CHL1: variants seen among roughly 807,000 people sequenced by gnomAD.
CHL1 encodes cell adhesion molecule L1 like, also known as neural cell adhesion molecule L1-like protein.
CHL1 carries 96 observed loss-of-function variants against 141.9 expected under a neutral mutation model. The ratio of observed to expected loss-of-function variants is 0.68; its 90% CI spans 0.57 to 0.80. The LOEUF is 0.80. Among genes scored for constraint, CHL1 ranks in the 30% least tolerant of loss-of-function variants. CHL1 has a pLI of 0.00. For synonymous variants in CHL1, 613 were observed against 502.2 expected, an observed-to-expected ratio of 1.22 and a Z score of -2.95; for missense variants, 1,820 against 1,457.2, an observed-to-expected ratio of 1.25 and a Z score of -4.05.
rs761005409 is a variant in CHL1 at position 382,477 on chromosome 3, A to G, written c.1982A>G (p.Tyr661Cys). The G allele has an allele frequency of 2.5e-6, 4 of 1,612,766 alleles. No homozygotes were observed. In the Admixed American group the frequency reaches 5.0e-5, roughly 20 times the overall value. ...GADHNSNISE[Y>C]IVEFEGNKEE... ...TTTTCCCTGTTTATACTACCAGAGT[A>G]TATTGTTGAATTTGAAGGAAACAAA... is the stretch of plus-strand genomic sequence containing the variant. Residue 661 changes from tyrosine to cysteine, a missense_variant, in exon 18 of 28, where the codon TAT becomes TGT. Tyr to Cys is a radical substitution (Grantham distance 194, BLOSUM62 -2). Transcript: ENST00000256509.
At chr3:257,084 G>T (rs991278489) in intron 2 of CHL1, among the ~76,000 whole-genome samples, 1 of 152,090 alleles carries the variant, frequency 6.6e-6, no homozygotes, top group Admixed American at 6.6e-5. Context: ...TAGTGGTATG[G>T]CTTCATGTCA....
chr3:270,136 G>A lies in CHL1; in HGVS notation c.-95+25444G>A, dbSNP rs865895776. Among the ~76,000 whole-genome samples, 53 of 152,240 alleles carry A rather than the reference G, an allele frequency of 3.5e-4. No homozygotes were observed. In the Middle Eastern group the frequency reaches 0.01, roughly 29 times the overall value. On this transcript the variant is annotated intron_variant, in intron 2 of 27. Transcript: ENST00000256509. ...GTTCTGGCCAGAAATGGGGGGAAGG[G>A]GGAAATATTTTGAATCAAACTGAGT...
At position 407,076 on chromosome 3, in the gene CHL1, C is replaced by G. The variant is rs1389633255; in HGVS notation, c.*1365C>G. 1 of 152,034 alleles carries G rather than the reference C, an allele frequency of 6.6e-6. No individual in the cohort carries two copies. The highest frequency in any genetic ancestry group is 6.6e-5 in the Admixed American group (1 of 15,238). The allele number at this position is 152,034 out of a possible 1,614,324, so 9.4% of individuals were successfully genotyped here. ...ATTTTCTGGCAGTTGTGCTCCAGTC[C>G]TTTTAAAATTGTACATGAACATGTT... On this transcript the variant is annotated 3_prime_UTR_variant, in exon 28 of 28. Transcript: ENST00000256509.
At chr3:237,800 G>GA (rs1193003294) in intron 1 of CHL1, among the ~76,000 whole-genome samples, 12 of 151,122 alleles carry the variant, frequency 7.9e-5, no homozygotes, top group African/African-American at 1.9e-4. Context: ...ACTGATATTA[G>GA]AAAAAAATCA....
chr3:352,470 C>T (rs1449067005), intron 10 of CHL1, among the ~76,000 whole-genome samples: 1 of 152,078 alleles, frequency 6.6e-6, no homozygotes, highest in Admixed American at 6.5e-5. Context: ...TATTTATCAT[C>T]TTATTTTTGT....
chr3:213,473 G>A (rs1700059429), intron 1 of CHL1: 2 of 152,118 alleles, frequency 1.3e-5, no homozygotes, highest in Non-Finnish European at 2.9e-5. Context: ...TAGACTTTCT[G>A]GCCTGAAGTT....
intron 15 of CHL1, among the ~76,000 whole-genome samples, chr3:366,921 T>A (rs1704974235): frequency 6.6e-6 from 1 of 152,260 alleles, no homozygotes; most frequent in Non-Finnish European, 1.5e-5. Context: ...CCATTTTCCT[T>A]CTACTTTTCA....
At chr3:278,163 G>A (rs375603956) in intron 2 of CHL1, among the ~76,000 whole-genome samples, 68 of 152,252 alleles carry the variant, frequency 4.5e-4, no homozygotes, top group African/African-American at 1.6e-3. Context: ...TAGAAATCAG[G>A]CCAGGAAGCA....
intron 12 of CHL1, among the ~76,000 whole-genome samples, chr3:360,923 A>T (rs1379367360): frequency 1.3e-5 from 2 of 151,158 alleles, no homozygotes; most frequent in Admixed American, 1.3e-4. Context: ...ACATGAACTC[A>T]TCATTTTTTA....
intron 1 of CHL1, among the ~76,000 whole-genome samples, chr3:198,943 A>G (rs1416457879): frequency 6.6e-6 from 1 of 152,236 alleles, no homozygotes; most frequent in Non-Finnish European, 1.5e-5. Context: ...GAAGCTTAGG[A>G]AGCTCTTTGG....
At chr3:320,351 G>C (rs1420561873) in intron 3 of CHL1, among the ~76,000 whole-genome samples, 1 of 151,994 alleles carries the variant, frequency 6.6e-6, no homozygotes, top group Non-Finnish European at 1.5e-5. Context: ...AGTATAAGAT[G>C]ATATGAACTC....
intron 1 of CHL1, among the ~76,000 whole-genome samples, chr3:220,721 C>G (rs1247631333): frequency 6.6e-6 from 1 of 152,130 alleles, no homozygotes; most frequent in Non-Finnish European, 1.5e-5. Flanking sequence ...AAAATGTTAT[C>G]ATTTATTAGA....
chr3:398,938 T>A, intron 25 of CHL1, 79 bp from the exon 26 acceptor site: 2 of 1,334,100 alleles, frequency 1.5e-6, no homozygotes, highest in Admixed American at 3.7e-5. Flanking sequence ...TTAAAAATGA[T>A]GTCTAATTTT....
chr3:388,238 A>G (rs188474511), intron 19 of CHL1, among the ~76,000 whole-genome samples: 356 of 152,318 alleles, frequency 2.3e-3, no homozygotes, highest in Admixed American at 4.1e-3. Context: ...GAAATAAACA[A>G]TTTCCCATAC....
At chr3:341,037 A>G (rs1350289191) in intron 6 of CHL1, 121 bp downstream of exon 6, 3 of 1,018,430 alleles carry the variant, frequency 2.9e-6, no homozygotes, top group South Asian at 1.6e-5. Flanking sequence ...TTCATATTTG[A>G]AGAGGAGATG....
intron 10 of CHL1, among the ~76,000 whole-genome samples, chr3:353,242 A>G (rs1418430388): frequency 6.6e-6 from 1 of 152,206 alleles, no homozygotes; most frequent in Admixed American, 6.5e-5. Context: ...GTTGAAAGCA[A>G]TAGTTGTAAT....
At chr3:276,791 A>G (rs764484249) in intron 2 of CHL1, among the ~76,000 whole-genome samples, 4 of 148,406 alleles carry the variant, frequency 2.7e-5, no homozygotes, top group Non-Finnish European at 5.9e-5. Flanking sequence ...CAGGAGGCTG[A>G]GGCAGGAGAA....
At chr3:383,551 G>C (rs1166815079) in intron 18 of CHL1, among the ~76,000 whole-genome samples, 2 of 152,040 alleles carry the variant, frequency 1.3e-5, no homozygotes, top group African/African-American at 2.4e-5. Context: ...TTTAAAAGCA[G>C]ATTCAAAATT....
chr3:230,980 G>T (rs1037095682), intron 1 of CHL1, among the ~76,000 whole-genome samples: 1 of 152,156 alleles, frequency 6.6e-6, no homozygotes, highest in African/African-American at 2.4e-5. Context: ...TTCCCCAGAT[G>T]CTCACATGTG....
Sources: gnomAD v4.1 joint callset for allele counts (sites outside exome capture counted in the v4.1 genomes callset) on GRCh38, gnomAD v4.1.1 for gene constraint, MANE v1.5 for transcripts, NCBI Gene and HGNC (gene_info 2026-07-23, HGNC 2026-07-21) for gene names.